The following IQCM variants were observed in gnomAD, a reference collection of about 807,000 sequenced individuals.
IQCM encodes the protein IQ motif containing M, also known as IQ domain-containing protein M.
In IQCM, 45 loss-of-function variants were observed where a neutral mutation model predicts 57.6. That is an observed-to-expected ratio of 0.78 (90% CI 0.62 to 1.00). The LOEUF is 1.00. Ranked by LOEUF, IQCM falls within the 50% of genes least tolerant of loss-of-function variation. The pLI is 0.00. For missense variants in IQCM, 468 were observed against 511.6 expected (o/e 0.91, Z 0.82); for synonymous variants, 148 against 158.9 (o/e 0.93, Z 0.51).
In IQCM at chr4:149,366,876, G is replaced by T. The variant is rs1043254121; in HGVS notation, c.1391-14810C>A. Among the ~76,000 whole-genome samples the T allele has an allele frequency of 2.0e-5, 3 of 151,926 alleles. No individual in the cohort carries two copies. The South Asian group carries it at 6.2e-4, about 31-fold the overall frequency. On this transcript the variant is annotated intron_variant, in intron 13 of 13. Coordinates refer to ENST00000636793, the MANE Select transcript of IQCM (RefSeq NM_001363507.2). ...CAATAAAATGCTGGGGAAAAATACA[G>T]AAAGTTCAAAAATATTTGAAATAAT...
chr4:149,447,700 A>G (rs1736663949), intron 12 of IQCM, among the ~76,000 whole-genome samples: 1 of 151,686 alleles, frequency 6.6e-6, no homozygotes, highest in African/African-American at 2.4e-5. Context: ...AAAGAAGTAG[A>G]ATAAAGACAT....
rs1181712485 is a variant in IQCM at position 149,660,185 on chromosome 4, A to C, written c.565+21933T>G. 1.3e-4 allele frequency among the ~76,000 whole-genome samples: 20 copies of C among 151,592 alleles called. No homozygotes were observed. In the East Asian group the frequency reaches 3.7e-3, roughly 28 times the overall value. On this transcript the variant is annotated intron_variant, in intron 7 of 13. Coordinates refer to ENST00000636793, the MANE Select transcript of IQCM (RefSeq NM_001363507.2). ...AAGTGGGTGAAGGATATGAACAGAC[A>C]CTTCTCAAAAGAAGACATTTATGCA... is the stretch of plus-strand genomic sequence containing the variant.
intron 7 of IQCM, among the ~76,000 whole-genome samples, chr4:149,673,112 G>C (rs550353680): frequency 1.1e-4 from 16 of 152,230 alleles, no homozygotes; most frequent in Admixed American, 3.3e-4. Context: ...CCTTACAAGA[G>C]CTCCTGAAGG....
chr4:149,539,504 T>C (rs1456347264), intron 12 of IQCM, among the ~76,000 whole-genome samples: 1 of 152,168 alleles, frequency 6.6e-6, no homozygotes, highest in Non-Finnish European at 1.5e-5. Flanking sequence ...CTAAAAATCA[T>C]TTAACTGAAT....
chr4:149,567,605 TCA>T, intron 9 of IQCM, among the ~76,000 whole-genome samples: 1 of 151,958 alleles, frequency 6.6e-6, no homozygotes, highest in Non-Finnish European at 1.5e-5. Flanking sequence ...CCTCCACCTC[TCA>T]AAGTGCTGGG....
intron 7 of IQCM, among the ~76,000 whole-genome samples, chr4:149,635,025 CATA>C (rs1414798140): frequency 6.6e-6 from 1 of 152,016 alleles, no homozygotes; most frequent in Admixed American, 6.6e-5. Flanking sequence ...TTAGATTTTC[CATA>C]ATAAAATGGT....
At chr4:149,565,174 T>C (rs79474899) in intron 9 of IQCM, among the ~76,000 whole-genome samples, 3,630 of 152,242 alleles carry the variant, frequency 0.024, 105 homozygotes, top group South Asian at 0.15. Context: ...GCCCCAAAAA[T>C]GATCTGTACC....
rs936459107 is a variant in IQCM at position 149,351,874 on chromosome 4, T to C, written c.*77A>G. ...ATCCTTTCTTCCTACTCATACAGAA[T>C]TGATCCACCTCCAGTGTTAACTTGT... On this transcript the variant is annotated 3_prime_UTR_variant, in exon 14 of 14. Coordinates refer to ENST00000636793, the MANE Select transcript of IQCM (RefSeq NM_001363507.2). 7.5e-6 allele frequency: 3 copies of C among 397,422 alleles called. No individual in the cohort carries two copies. Among genetic ancestry groups the C allele is most frequent in the East Asian group, 3.6e-5 (1 of 28,000 alleles). 24.6% of individuals were successfully genotyped at this position (397,422 alleles called of 1,614,324 possible). A position where few individuals can be genotyped will look rare whatever the true frequency, so the allele number is the denominator to read the frequency against.
intron 12 of IQCM, among the ~76,000 whole-genome samples, chr4:149,523,494 AAT>A (rs1028731126): frequency 1.3e-5 from 2 of 152,150 alleles, no homozygotes; most frequent in South Asian, 2.1e-4. Flanking sequence ...TATAAAAATA[AAT>A]ATGTTTATGG....
chr4:149,806,384 A>G (rs1274236206), intron 2 of IQCM, among the ~76,000 whole-genome samples: 2 of 151,866 alleles, frequency 1.3e-5, no homozygotes, highest in African/African-American at 2.4e-5. Flanking sequence ...CTTGTTGCTA[A>G]CTCTAATTTC....
intron 9 of IQCM, among the ~76,000 whole-genome samples, chr4:149,567,246 C>CT (rs987390844): frequency 4.6e-5 from 7 of 152,120 alleles, no homozygotes; most frequent in African/African-American, 1.7e-4. Context: ...TCTGTTACTT[C>CT]TTTTTTACTC....
chr4:149,697,177 C>G (rs1763403744), intron 5 of IQCM, among the ~76,000 whole-genome samples: 2 of 152,116 alleles, frequency 1.3e-5, no homozygotes. Context: ...CTATCTCTCT[C>G]TCAGCTGATT....
At chr4:149,462,394 C>T (rs947974678) in intron 12 of IQCM, among the ~76,000 whole-genome samples, 3 of 152,110 alleles carry the variant, frequency 2.0e-5, no homozygotes, top group East Asian at 1.9e-4. Flanking sequence ...GAATGGAAGG[C>T]CAAGCCCACT....
At chr4:149,404,408 TCA>T in intron 13 of IQCM, among the ~76,000 whole-genome samples, 1 of 152,174 alleles carries the variant, frequency 6.6e-6, no homozygotes, top group Middle Eastern at 3.4e-3. Flanking sequence ...AGATGGAAAC[TCA>T]CAGAAAAGTT....
At position 149,407,169 on chromosome 4, in the gene IQCM, C is replaced by A. The variant is rs115213394; in HGVS notation, c.1390+26227G>T. On this transcript the variant is annotated intron_variant, in intron 13 of 13. Transcript: ENST00000636793. ...CACCACCATGATTCAATTATCCCCC[C>A]CCAGGTCCCTCCCACAGCTCTTGGG... 8.2e-3 allele frequency among the ~76,000 whole-genome samples: 1,249 copies of A among 152,186 alleles called. 22 individuals carry two copies. The highest frequency in any genetic ancestry group is 0.028 in the African/African-American group (1,158 of 41,550).
intron 12 of IQCM, among the ~76,000 whole-genome samples, chr4:149,534,796 T>C (rs540002680): frequency 8.6e-4 from 131 of 152,132 alleles, no homozygotes; most frequent in Non-Finnish European, 1.5e-3. Context: ...ATTTTGGAAA[T>C]CAAAATACCA....
chr4:149,358,873 T>C (rs1170608574), intron 13 of IQCM, among the ~76,000 whole-genome samples: 1 of 151,868 alleles, frequency 6.6e-6, no homozygotes, highest in Admixed American at 6.6e-5. Context: ...CTCATGAGTA[T>C]ATCATGAGAC....
intron 12 of IQCM, among the ~76,000 whole-genome samples, chr4:149,543,303 A>AT (rs1285269078): frequency 6.6e-6 from 1 of 152,134 alleles, no homozygotes; most frequent in Non-Finnish European, 1.5e-5. Flanking sequence ...GTTAAAAACA[A>AT]TATATTCAAA....
chr4:149,358,298 T>C (rs1729160011), intron 13 of IQCM, among the ~76,000 whole-genome samples: 2 of 152,344 alleles, frequency 1.3e-5, no homozygotes, highest in Admixed American at 6.5e-5. Flanking sequence ...CTTTTGAATG[T>C]GTTTGCTCTT....
Sources: allele counts gnomAD v4.1 joint callset (sites outside exome capture counted in the v4.1 genomes callset), GRCh38; gene constraint gnomAD v4.1.1; transcripts MANE v1.5; gene names NCBI Gene and HGNC (gene_info 2026-07-23, HGNC 2026-07-21).